Variants in AKAP13 observed in about 807,000 individuals in gnomAD.
The protein encoded by AKAP13 is A-kinase anchoring protein 13, also known as A-kinase anchor protein 13.
Under a neutral mutation model 264.5 loss-of-function variants are expected in AKAP13, and 80 were observed. The observed-to-expected ratio is 0.30, with a 90% CI of 0.25 to 0.36. The LOEUF is 0.36. Ranked by LOEUF, AKAP13 falls within the 10% of genes least tolerant of loss-of-function variation. AKAP13 has a pLI of 1.00. For missense variants in AKAP13, 3,712 were observed against 3,435.2 expected (o/e 1.08, Z -2.01); for synonymous variants, 1,380 against 1,250.2 (o/e 1.10, Z -2.19).
chr15:85,435,323 A>G (rs932956300), intron 1 of AKAP13, among the ~76,000 whole-genome samples: 1 of 135,082 alleles, frequency 7.4e-6, no homozygotes, highest in Non-Finnish European at 1.6e-5. Context: ...ATGTGAAAAG[A>G]CCAAATCTAC....
chr15:85,465,154 G>GCCA (rs1190531325), intron 1 of AKAP13, among the ~76,000 whole-genome samples: 3,785 of 146,696 alleles, frequency 0.026, 152 homozygotes, highest in African/African-American at 0.091. Context: ...GGGGTTTCAT[G>GCCA]TGTTAGCCAG....
In AKAP13 at chr15:85,684,861, C is replaced by A. The variant is rs747521388; in HGVS notation, c.5277C>A (p.Ser1759Arg). 5 of 1,613,718 alleles carry A rather than the reference C, an allele frequency of 3.1e-6. No individual in the cohort carries two copies. Among genetic ancestry groups the A allele is most frequent in the Non-Finnish European group, 3.4e-6 (4 of 1,179,948 alleles). The change falls in exon 16 of 37, where the codon AGC (serine) becomes AGA (arginine). Residue 1759 changes from serine to arginine, a missense_variant. Physicochemically the swap from Ser to Arg is moderately radical, Grantham distance 110. This residue lies in a region of AKAP13 where 2,759 missense variants were observed against 2,411.7 expected (regional missense o/e 1.14). Transcript: ENST00000394518. ...FSYIKNKMSS[S>R]KKSKEKEKEK... is the part of the protein sequence containing the mutation. The stretch of plus-strand genomic sequence containing the variant: ...ACATCAAGAATAAAATGTCTAGCAG[C>A]AAGAAGAGCAAAGTGAGTATCACTG...
chr15:85,564,160 AAGT>A lies in AKAP13; in HGVS notation c.663-10969_663-10967del, dbSNP rs992970793. ...TACTAGTTTCTTCCCTACCTTTAGT[AAGT>A]AATAATAACAGAAGAATGAAGCAAT... On this transcript the variant is annotated intron_variant, in intron 5 of 36. Transcript: ENST00000394518. Among the ~76,000 whole-genome samples the A allele has an allele frequency of 1.3e-5, 2 of 152,188 alleles. 1 individual carries two copies. The highest frequency in any genetic ancestry group is 4.8e-5 in the African/African-American group (2 of 41,456).
intron 13 of AKAP13, among the ~76,000 whole-genome samples, chr15:85,669,099 G>A (rs2083767954): frequency 1.3e-5 from 2 of 152,158 alleles, no homozygotes; most frequent in African/African-American, 4.8e-5. Flanking sequence ...AGCTGCGCGT[G>A]GTGGCGCGCA....
intron 1 of AKAP13, among the ~76,000 whole-genome samples, chr15:85,438,424 A>G (rs1054220958): frequency 3.9e-5 from 6 of 152,006 alleles, no homozygotes; most frequent in Admixed American, 1.3e-4. Flanking sequence ...CTCCATCCCC[A>G]TAAAGCTACC....
At chr15:85,480,244 G>T (rs973515980) in intron 1 of AKAP13, among the ~76,000 whole-genome samples, 1 of 152,286 alleles carries the variant, frequency 6.6e-6, no homozygotes, top group East Asian at 1.9e-4. Context: ...CGTATTTTAA[G>T]AAGTTACCAG....
intron 30 of AKAP13, among the ~76,000 whole-genome samples, chr15:85,731,484 T>G (rs1276479390): frequency 2.6e-5 from 4 of 152,150 alleles, no homozygotes; most frequent in Non-Finnish European, 5.9e-5. Context: ...CTTAGAGAGT[T>G]TCCCACAGTT....
At chr15:85,741,024 C>G in intron 34 of AKAP13, 22 bp from the exon 35 acceptor site, 1 of 1,585,326 alleles carries the variant, frequency 6.3e-7, no homozygotes, top group Non-Finnish European at 8.6e-7. Context: ...AGTTGCAGGG[C>G]TCCCCTCTGT....
chr15:85,420,377 A>G (rs557601491), intron 1 of AKAP13, among the ~76,000 whole-genome samples: 1 of 152,088 alleles, frequency 6.6e-6, no homozygotes, highest in Non-Finnish European at 1.5e-5. Flanking sequence ...GACTTTGGAT[A>G]GGATTGATGG....
At chr15:85,406,294 G>C (rs2071657941) in intron 1 of AKAP13, among the ~76,000 whole-genome samples, 1 of 152,172 alleles carries the variant, frequency 6.6e-6, no homozygotes, top group South Asian at 2.1e-4. Flanking sequence ...GAAGAGTGAA[G>C]GGACCATGAT....
At chr15:85,497,539 G>A (rs994468210) in intron 2 of AKAP13, among the ~76,000 whole-genome samples, 2 of 152,212 alleles carry the variant, frequency 1.3e-5, no homozygotes, top group East Asian at 1.9e-4. Context: ...CAGTTGTGGG[G>A]AGAGACTTTG....
intron 1 of AKAP13, among the ~76,000 whole-genome samples, chr15:85,425,280 A>G (rs773165847): frequency 2.5e-4 from 38 of 152,144 alleles, no homozygotes; most frequent in Non-Finnish European, 4.9e-4. Context: ...TTTTATTGAG[A>G]TTACCTTTTT....
intron 19 of AKAP13, among the ~76,000 whole-genome samples, chr15:85,714,454 T>C (rs2086803932): frequency 6.6e-6 from 1 of 152,200 alleles, no homozygotes; most frequent in Admixed American, 6.5e-5. Flanking sequence ...ATTTTCCTCA[T>C]CTGTAAATTA....
chr15:85,704,007 T>A (rs571897739), intron 17 of AKAP13, among the ~76,000 whole-genome samples: 1 of 152,304 alleles, frequency 6.6e-6, no homozygotes, highest in African/African-American at 2.4e-5. Context: ...TGTTTTTTGT[T>A]TTATTTTCAT....
Position 85,579,822 on chromosome 15 carries a change from A to G in AKAP13, c.1754A>G (p.Asn585Ser). 6.2e-7 allele frequency: 1 copy of G among 1,614,218 alleles called. No individual in the cohort carries two copies. Among genetic ancestry groups the G allele is most frequent in the Non-Finnish European group, 8.5e-7 (1 of 1,180,038 alleles). ...AGTGCTGATGCTCCAGTAGATCAGA[A>G]TTCTGTGGTGATTCCAGCTGCTGCA... ...EESADAPVDQ[N>S]SVVIPAAAKD... is the part of the protein sequence containing the mutation. Residue 585 changes from asparagine (N) to serine (S), a missense_variant, in exon 7 of 37, where the codon AAT (asparagine) becomes AGT (serine). Physicochemically the swap from Asn to Ser is conservative, Grantham distance 46. Coordinates refer to ENST00000394518, the MANE Select transcript of AKAP13 (RefSeq NM_007200.5).
Position 85,710,662 on chromosome 15 carries a change from A to T in AKAP13, c.5599+17A>T. 1 of 1,612,128 alleles carries T rather than the reference A, an allele frequency of 6.2e-7. No individual in the cohort carries two copies. On this transcript the variant is annotated intron_variant, in intron 19 of 36. Coordinates refer to ENST00000394518, the MANE Select transcript of AKAP13 (RefSeq NM_007200.5). ...GAAACAAGCGTAAGTAGCTCAGCCC[A>T]CCTCTCAATTCCCTTTCTGACTTTC...
At chr15:85,405,231 A>AT (rs1245762739) in intron 1 of AKAP13, among the ~76,000 whole-genome samples, 1 of 152,160 alleles carries the variant, frequency 6.6e-6, no homozygotes, top group Non-Finnish European at 1.5e-5. Flanking sequence ...TTCTGAACTT[A>AT]TACTCTGGTT....
chr15:85,381,899 C>T (rs146415468), intron 1 of AKAP13: 20 of 152,192 alleles, frequency 1.3e-4, no homozygotes, highest in African/African-American at 4.8e-4. Context: ...TTGGATTGCG[C>T]AGATGAGGAC....
intron 11 of AKAP13, among the ~76,000 whole-genome samples, chr15:85,657,700 G>T (rs573625445): frequency 7.0e-6 from 1 of 142,828 alleles, no homozygotes; most frequent in African/African-American, 2.7e-5. Context: ...AGTTTTGCTC[G>T]TGGTGTACTC....
Sources: allele counts gnomAD v4.1 joint callset (sites outside exome capture counted in the v4.1 genomes callset), GRCh38; gene constraint gnomAD v4.1.1; regional missense constraint gnomAD v4.1.1; transcripts MANE v1.5; gene names NCBI Gene and HGNC (gene_info 2026-07-23, HGNC 2026-07-21).